Variants in SORBS2 observed in about 807,000 individuals in gnomAD.
SORBS2 encodes sorbin and SH3 domain-containing protein 2.
SORBS2 carries 46 observed loss-of-function variants against 97.7 expected under a neutral mutation model. That is an observed-to-expected ratio of 0.47 (90% confidence interval 0.37 to 0.60). SORBS2 has a LOEUF of 0.60. SORBS2 is among the 20% of genes least tolerant of loss of function. The pLI, the probability that SORBS2 is intolerant of heterozygous loss-of-function variation, is 0.00. For missense variants in SORBS2, 1,316 were observed against 1,282.3 expected (o/e 1.03, Z -0.40); for synonymous variants, 476 against 473.4 (o/e 1.01, Z -0.07).
chr4:185,726,281 G>A (rs954164274), intron 2 of SORBS2, among the ~76,000 whole-genome samples: 1 of 152,048 alleles, frequency 6.6e-6, no homozygotes, highest in Admixed American at 6.5e-5. Context: ...AACTAATATA[G>A]TTCCTTTTCT....
At chr4:185,764,864 G>C (rs145849135) in intron 2 of SORBS2, among the ~76,000 whole-genome samples, 11 of 152,244 alleles carry the variant, frequency 7.2e-5, no homozygotes, top group Non-Finnish European at 1.2e-4. Context: ...CTAATTGGAA[G>C]TGCCTTCCTA....
In SORBS2 at chr4:185,938,245, G is replaced by A. The variant is rs544945796; in HGVS notation, c.-338+17951C>T. Reference sequence around the variant, plus strand: ...ACTTCGGACCTCAGGTCATCCACCCGCCTCGGCCTCCCAAAGTGCTGAGAT... The same window carrying A: ...ACTTCGGACCTCAGGTCATCCACCCACCTCGGCCTCCCAAAGTGCTGAGAT... On this transcript the variant is annotated intron_variant, in intron 1 of 20. Coordinates refer to the SORBS2 transcript ENST00000284776. Among the ~76,000 whole-genome samples, 136 of 151,968 alleles carry A rather than the reference G, an allele frequency of 8.9e-4. No homozygotes were observed. The Middle Eastern group carries it at 0.014, about 15-fold the overall frequency.
At chr4:185,738,116 C>T (rs1374813158) in intron 2 of SORBS2, among the ~76,000 whole-genome samples, 1 of 152,260 alleles carries the variant, frequency 6.6e-6, no homozygotes, top group Non-Finnish European at 1.5e-5. Flanking sequence ...TCAATCGAGA[C>T]AGCCTGTTTA....
intron 2 of SORBS2, among the ~76,000 whole-genome samples, chr4:185,692,564 A>T (rs1257218189): frequency 1.3e-5 from 2 of 152,174 alleles, no homozygotes; most frequent in African/African-American, 4.8e-5. Flanking sequence ...ATTGGAGTTC[A>T]CCTCTTTTGG....
intron 2 of SORBS2, among the ~76,000 whole-genome samples, chr4:185,741,910 A>C (rs1451996808): frequency 1.3e-5 from 2 of 152,086 alleles, no homozygotes; most frequent in Admixed American, 6.5e-5. Context: ...TCCTTCACTC[A>C]CTGACCCTGA....
intron 2 of SORBS2, among the ~76,000 whole-genome samples, chr4:185,732,730 T>C (rs2098651600): frequency 6.6e-6 from 1 of 152,188 alleles, no homozygotes; most frequent in African/African-American, 2.4e-5. Context: ...GCAAGTGGTG[T>C]TCCCCAAAAA....
rs189127883 is a variant in SORBS2, at chr4:185,747,758, G to T, written c.-198+27469C>A. ...CTCACACCTGTAATCCCAGCACTTT[G>T]GGAGGTCGAAGTGGGCACATCAGGA... On this transcript the variant is annotated intron_variant, in intron 2 of 20. Transcript: ENST00000284776. Among the ~76,000 whole-genome samples, 277 of 152,298 alleles carry T rather than the reference G, an allele frequency of 1.8e-3. 2 individuals are homozygous for T. Among genetic ancestry groups the T allele is most frequent in the African/African-American group, 6.3e-3 (263 of 41,562 alleles).
At chr4:185,805,394 G>A (rs1327754628) in intron 1 of SORBS2, among the ~76,000 whole-genome samples, 1 of 152,148 alleles carries the variant, frequency 6.6e-6, no homozygotes, top group East Asian at 1.9e-4. Context: ...GCACAACACC[G>A]GGGAAGATCT....
chr4:185,746,755 A>C lies in SORBS2; in HGVS notation c.-198+28472T>G, dbSNP rs569236211. 1.0e-3 allele frequency among the ~76,000 whole-genome samples: 159 copies of C among 152,360 alleles called. 1 individual carries two copies. The highest frequency in any genetic ancestry group is 3.8e-3 in the African/African-American group (157 of 41,586). On this transcript the variant is annotated intron_variant, in intron 2 of 20. Transcript: ENST00000284776. Reference sequence around the variant, plus strand: ...AGCAAAATACTCTTGTGTGAGGCTTAGACTCTGTAAGAATCTACCACTTTA... The same window carrying C: ...AGCAAAATACTCTTGTGTGAGGCTTCGACTCTGTAAGAATCTACCACTTTA...
intron 2 of SORBS2, among the ~76,000 whole-genome samples, chr4:185,715,288 A>G (rs1227421985): frequency 6.6e-6 from 1 of 152,222 alleles, no homozygotes; most frequent in Admixed American, 6.5e-5. Context: ...GAGATGATGT[A>G]ACAAAATTCC....
chr4:185,801,027 C>T (rs1320335061), intron 1 of SORBS2, among the ~76,000 whole-genome samples: 3 of 152,154 alleles, frequency 2.0e-5, no homozygotes, highest in African/African-American at 7.2e-5. Context: ...AAGTCTGTGC[C>T]CTTTGACCTC....
intron 13 of SORBS2, 56 bp downstream of exon 25, chr4:185,593,830 G>A: frequency 6.2e-6 from 7 of 1,123,328 alleles, no homozygotes; most frequent in Non-Finnish European, 9.5e-6. Flanking sequence ...TGGTACAGTT[G>A]TCCATTTTGT....
At chr4:185,755,733 C>T (rs114079416) in intron 2 of SORBS2, among the ~76,000 whole-genome samples, 124 of 152,324 alleles carry the variant, frequency 8.1e-4, no homozygotes, top group African/African-American at 3.0e-3. Context: ...TATCACTCAG[C>T]ATTTAGAACC....
chr4:185,756,678 A>G (rs1322061173), intron 2 of SORBS2, among the ~76,000 whole-genome samples: 1 of 150,540 alleles, frequency 6.6e-6, no homozygotes, highest in African/African-American at 2.4e-5. Flanking sequence ...TTGTATTTTA[A>G]TGAAGGTTAA....
intron 1 of SORBS2, among the ~76,000 whole-genome samples, chr4:185,887,986 G>T (rs2099240544): frequency 6.9e-6 from 1 of 144,016 alleles, no homozygotes; most frequent in Non-Finnish European, 1.5e-5. Context: ...GTGTGTGTGT[G>T]TGTGTGTACA....
chr4:185,716,873 A>G (rs77307038), intron 2 of SORBS2, among the ~76,000 whole-genome samples: 1,572 of 152,330 alleles, frequency 0.01, 33 homozygotes, highest in African/African-American at 0.037. Flanking sequence ...CCACCCCTGC[A>G]TGACAGATGT....
At chr4:185,899,985 G>T (rs185396039) in intron 1 of SORBS2, among the ~76,000 whole-genome samples, 43 of 152,280 alleles carry the variant, frequency 2.8e-4, no homozygotes, top group African/African-American at 7.2e-4. Context: ...GCACATGGTG[G>T]CACACATCTG....
chr4:185,833,401 G>C (rs1172915140), intron 1 of SORBS2, among the ~76,000 whole-genome samples: 1 of 152,182 alleles, frequency 6.6e-6, no homozygotes, highest in Non-Finnish European at 1.5e-5. Flanking sequence ...TGGCTCCTGG[G>C]ATTATCACCT....
chr4:185,775,862 G>A (rs530670000), intron 1 of SORBS2: 3 of 152,296 alleles, frequency 2.0e-5, no homozygotes, highest in East Asian at 3.9e-4. Context: ...TTTCTTAAAA[G>A]AGCCCGCACC....
Sources: gnomAD v4.1 joint callset for allele counts (sites outside exome capture counted in the v4.1 genomes callset) on GRCh38, gnomAD v4.1.1 for gene constraint, MANE v1.5 for transcripts, NCBI Gene and HGNC (gene_info 2026-07-23, HGNC 2026-07-21) for gene names.